The following RLF variants were observed in gnomAD, a reference collection of about 807,000 sequenced individuals.
The protein encoded by RLF is RLF zinc finger.
A neutral mutation model predicts 162.9 loss-of-function variants in RLF; 7 were observed. The ratio of observed to expected loss-of-function variants is 0.04; its 90% CI spans 0.02 to 0.08. The LOEUF (loss-of-function observed/expected upper bound fraction) is 0.08. RLF is among the 10% of genes least tolerant of loss of function. The pLI, the probability that RLF is intolerant of heterozygous loss-of-function variation, is 1.00. For synonymous variants in RLF, 782 were observed against 791.5 expected (o/e 0.99, Z 0.20); for missense variants, 1,664 against 2,244.7 (o/e 0.74, Z 5.23).
chr1:40,232,351 C>T (rs1411014325), intron 7 of RLF, among the ~76,000 whole-genome samples: 5 of 151,954 alleles, frequency 3.3e-5, no homozygotes, highest in Non-Finnish European at 7.4e-5. Context: ...TGTTGAATAA[C>T]ATCACAAAAA....
intron 1 of RLF, among the ~76,000 whole-genome samples, chr1:40,182,573 T>C (rs994658867): frequency 2.0e-5 from 3 of 152,252 alleles, no homozygotes; most frequent in African/African-American, 7.2e-5. Flanking sequence ...GTTATGTTAC[T>C]TTTATGACAA....
chr1:40,212,322 T>C (rs1642874986), intron 5 of RLF, among the ~76,000 whole-genome samples: 1 of 152,214 alleles, frequency 6.6e-6, no homozygotes, highest in African/African-American at 2.4e-5. Flanking sequence ...CTTTCAGATA[T>C]CTGGTAGGTC....
intron 3 of RLF, among the ~76,000 whole-genome samples, chr1:40,194,446 C>T (rs1309226351): frequency 1.3e-5 from 2 of 151,990 alleles, no homozygotes; most frequent in African/African-American, 4.8e-5. Flanking sequence ...CGAGACCAGC[C>T]AGGACCAACG....
At chr1:40,198,412 C>T (rs1171620523) in intron 4 of RLF, among the ~76,000 whole-genome samples, 1 of 150,636 alleles carries the variant, frequency 6.6e-6, no homozygotes, top group Non-Finnish European at 1.5e-5. Context: ...TCAAGTCATT[C>T]TCCTGCCTCA....
Position 40,222,641 on chromosome 1 carries a change from A to G in RLF, c.878A>G (p.Asn293Ser), listed in dbSNP as rs781497751. The G allele has an allele frequency of 6.2e-7, 1 of 1,613,590 alleles. No individual in the cohort carries two copies. The highest frequency in any genetic ancestry group is 1.3e-5 in the African/African-American group (1 of 75,044). Residue 293 changes from asparagine (N) to serine (S), a missense_variant, in exon 6 of 8, where the codon AAC (asparagine) becomes AGC (serine). This residue lies in a region of RLF where 287 missense variants were observed against 404.9 expected (regional missense o/e 0.71). Transcript: ENST00000372771. The stretch of plus-strand genomic sequence containing the variant: ...AATCTGGAATCTGAGGGGCAGGATA[A>G]CACAGCATTTGTTCTTTGTACGACT... The part of the protein sequence containing the change: ...ICNLESEGQD[N>S]TAFVLCTTYL...
chr1:40,210,671 G>A (rs1307069702), intron 5 of RLF, among the ~76,000 whole-genome samples: 1 of 152,194 alleles, frequency 6.6e-6, no homozygotes. Context: ...TTTAGGACAA[G>A]AGATTGTAGC....
chr1:40,175,622 C>G (rs1008348884), intron 1 of RLF, among the ~76,000 whole-genome samples: 4 of 151,972 alleles, frequency 2.6e-5, no homozygotes, highest in Non-Finnish European at 5.9e-5. Flanking sequence ...GCACTCCAGC[C>G]TGGGCGACAG....
intron 1 of RLF, among the ~76,000 whole-genome samples, chr1:40,180,240 C>T (rs1050524580): frequency 6.6e-6 from 1 of 152,022 alleles, no homozygotes; most frequent in Non-Finnish European, 1.5e-5. Flanking sequence ...CCCTTGCTAA[C>T]ACTTTTTCTG....
At position 40,235,975 on chromosome 1, in the gene RLF, G is replaced by A. The variant is rs199671324; in HGVS notation, c.1273G>A (p.Gly425Arg). 6.2e-7 allele frequency: 1 copy of A among 1,613,552 alleles called. No homozygotes were observed. The highest frequency in any genetic ancestry group is 2.2e-5 in the East Asian group (1 of 44,872). Residue 425 changes from glycine (G) to arginine (R), a missense_variant, in exon 8 of 8, where the codon GGA becomes AGA. Physicochemically the swap from Gly to Arg is moderately radical, Grantham distance 125. Coordinates refer to ENST00000372771, the MANE Select transcript of RLF (RefSeq NM_012421.4). Reference protein sequence around the residue: ...TEFLIEPSLDGFNMLEELYLQ... With the variant: ...TEFLIEPSLDRFNMLEELYLQ... ...ATTCTTAATTGAACCCAGTTTGGAT[G>A]GATTTAATATGTTAGAAGAACTATA...
intron 6 of RLF, among the ~76,000 whole-genome samples, chr1:40,229,448 CTTT>C (rs1005418216): frequency 5.5e-5 from 5 of 90,978 alleles, no homozygotes; most frequent in African/African-American, 1.4e-4. Flanking sequence ...ATTCATTTAT[CTTT>C]TTTTTTTTTT....
At chr1:40,194,174 A>G (rs2124537605) in intron 3 of RLF, among the ~76,000 whole-genome samples, 1 of 146,250 alleles carries the variant, frequency 6.8e-6, no homozygotes, top group Non-Finnish European at 1.5e-5. Context: ...TAGACTTTTC[A>G]GGACATTTTA....
In RLF at chr1:40,222,696, T is replaced by C; in HGVS notation, c.933T>C (p.Ser311=). The C allele has an allele frequency of 3.7e-6, 6 of 1,613,090 alleles. No individual in the cohort carries two copies. The highest frequency in any genetic ancestry group is 5.1e-6 in the Non-Finnish European group (6 of 1,179,676). ...TTACCCAGCAGCTCCAAACTGCAAG[T>C]GTATATTGTTCTTGGTAAGTATATT... ...TYLTQQLQTA[S]VYCSWELTLF... Residue 311 remains serine (S), a synonymous_variant, in exon 6 of 8, where the codon AGT becomes AGC. Transcript: ENST00000372771.
chr1:40,196,488 G>A (rs924207331), intron 4 of RLF, among the ~76,000 whole-genome samples: 1 of 151,502 alleles, frequency 6.6e-6, no homozygotes, highest in African/African-American at 2.4e-5. Flanking sequence ...AAAGAATGAA[G>A]TTTTTGTTGT....
At chr1:40,172,937 C>T (rs908133696) in intron 1 of RLF, among the ~76,000 whole-genome samples, 3 of 152,148 alleles carry the variant, frequency 2.0e-5, no homozygotes, top group Non-Finnish European at 2.9e-5. Flanking sequence ...TATGTACTTC[C>T]GCCAATAGTG....
intron 5 of RLF, among the ~76,000 whole-genome samples, chr1:40,203,987 A>G (rs773161344): frequency 1.7e-4 from 25 of 149,344 alleles, no homozygotes; most frequent in Non-Finnish European, 3.1e-4. Context: ...CTGCTTTGTC[A>G]TTGTCAGATC....
intron 1 of RLF, chr1:40,178,093 T>C (rs1225765790): frequency 2.0e-5 from 3 of 149,656 alleles, no homozygotes; most frequent in Non-Finnish European, 2.9e-5. Flanking sequence ...GATATATCTA[T>C]AGATATATAT....
At chr1:40,201,862 A>G (rs1461904078) in intron 4 of RLF, among the ~76,000 whole-genome samples, 2 of 152,140 alleles carry the variant, frequency 1.3e-5, no homozygotes, top group Non-Finnish European at 2.9e-5. Context: ...TTTAAATAAA[A>G]GTGAACAGTT....
chr1:40,234,417 A>G (rs1291555142), intron 7 of RLF, among the ~76,000 whole-genome samples: 3 of 152,224 alleles, frequency 2.0e-5, no homozygotes, highest in Non-Finnish European at 2.9e-5. Context: ...AATCAATGAC[A>G]GTGATTTCTT....
At chr1:40,205,236 T>C (rs1190204798) in intron 5 of RLF, among the ~76,000 whole-genome samples, 2 of 151,744 alleles carry the variant, frequency 1.3e-5, no homozygotes, top group Non-Finnish European at 2.9e-5. Context: ...CAAGAATTGC[T>C]TGAGCCCGGG....
Sources: gnomAD v4.1 joint callset for allele counts (sites outside exome capture counted in the v4.1 genomes callset) on GRCh38, gnomAD v4.1.1 for gene constraint, gnomAD v4.1.1 regional missense constraint, MANE v1.5 for transcripts, NCBI Gene and HGNC (gene_info 2026-07-23, HGNC 2026-07-21) for gene names.